FSIP2: variants seen among roughly 807,000 people sequenced by gnomAD.
FSIP2 encodes the protein fibrous sheath-interacting protein 2.
FSIP2 carries 367 observed loss-of-function variants against 510.5 expected under a neutral mutation model. The observed-to-expected ratio is 0.72, with a 90% CI of 0.66 to 0.78. The LOEUF (loss-of-function observed/expected upper bound fraction) is 0.78, where lower values mean the gene tolerates loss of function less well. FSIP2 is among the 30% of genes least tolerant of loss of function. The probability of loss-of-function intolerance (pLI) is 0.00; values close to 1 mark genes in which losing one functional copy is unlikely to be tolerated. For synonymous variants in FSIP2, 2,601 were observed against 2,732.2 expected (o/e 0.95, Z 1.50); for missense variants, 7,594 against 7,901.7 (o/e 0.96, Z 1.48).
intron 13 of FSIP2, among the ~76,000 whole-genome samples, chr2:185,776,248 T>G (rs892132906): frequency 1.3e-5 from 2 of 151,996 alleles, no homozygotes; most frequent in Non-Finnish European, 2.9e-5. Context: ...CCAGCCCAGG[T>G]GACAAAGTGA....
At chr2:185,749,301 A>C (rs1331336614) in intron 7 of FSIP2, among the ~76,000 whole-genome samples, 1 of 151,928 alleles carries the variant, frequency 6.6e-6, no homozygotes, top group African/African-American at 2.4e-5. Flanking sequence ...CGCTCCATTT[A>C]TGTAGGTCTT....
chr2:185,762,469 T>C (rs13033801), intron 11 of FSIP2, among the ~76,000 whole-genome samples: 16,851 of 151,416 alleles, frequency 0.11, 988 homozygotes, highest in Middle Eastern at 0.14. Flanking sequence ...CTCACATACA[T>C]ATCTGACATA....
chr2:185,830,126 C>G (rs1031522574), intron 21 of FSIP2, among the ~76,000 whole-genome samples: 7 of 151,674 alleles, frequency 4.6e-5, no homozygotes, highest in African/African-American at 1.7e-4. Flanking sequence ...AATTACCTAC[C>G]AAAAACAAAC....
At chr2:185,760,312 C>T (rs1002336907) in intron 9 of FSIP2, among the ~76,000 whole-genome samples, 9 of 149,840 alleles carry the variant, frequency 6.0e-5, no homozygotes, top group Middle Eastern at 3.4e-3. Context: ...AATGGTACAA[C>T]GACATTGAAA....
Position 185,801,017 on chromosome 2 carries a change from T to C in FSIP2, c.11711T>C (p.Leu3904Pro). 1 of 1,532,188 alleles carries C rather than the reference T, an allele frequency of 6.5e-7. No homozygotes were observed. The highest frequency in any genetic ancestry group is 8.7e-7 in the Non-Finnish European group (1 of 1,144,370). The allele number at this position is 1,532,188 out of a possible 1,614,324, so 94.9% of individuals were successfully genotyped here. A position where few individuals can be genotyped will look rare whatever the true frequency, so the allele number is the denominator to read the frequency against. ...GGACAGAGTAAAAGTTCTTTAGAAC[T>C]CAGGAGCTATGATAGTAATTCTTTG... ...ELGQSKSSLE[L>P]RSYDSNSLTV... Residue 3904 changes from leucine to proline, a missense_variant, in exon 17 of 23, where the codon CTC becomes CCC. Coordinates refer to ENST00000424728, the MANE Select transcript of FSIP2 (RefSeq NM_173651.4).
chr2:185,819,669 G>A (rs1693880722), intron 19 of FSIP2, among the ~76,000 whole-genome samples: 1 of 151,774 alleles, frequency 6.6e-6, no homozygotes. Context: ...CAGTGTGAAA[G>A]CAATACACAT....
intron 14 of FSIP2, among the ~76,000 whole-genome samples, chr2:185,782,967 A>G (rs975734567): frequency 6.6e-6 from 1 of 152,088 alleles, no homozygotes; most frequent in Admixed American, 6.6e-5. Context: ...CCTTCTCCTT[A>G]TCTATAATCC....
At chr2:185,764,178 T>C (rs1692413103) in intron 12 of FSIP2, among the ~76,000 whole-genome samples, 1 of 151,566 alleles carries the variant, frequency 6.6e-6, no homozygotes, top group South Asian at 2.1e-4. Flanking sequence ...CCATCCATAT[T>C]AAATCTTAGA....
intron 7 of FSIP2, among the ~76,000 whole-genome samples, chr2:185,748,694 T>G (rs1676085435): frequency 6.6e-6 from 1 of 152,074 alleles, no homozygotes; most frequent in African/African-American, 2.4e-5. Flanking sequence ...CTAATGCAAC[T>G]GATCAAATCA....
chr2:185,768,725 C>T (rs931669053), intron 13 of FSIP2, among the ~76,000 whole-genome samples: 2 of 152,152 alleles, frequency 1.3e-5, no homozygotes, highest in Middle Eastern at 6.8e-3. Context: ...TATTTCATCA[C>T]TCTGGTACTA....
chr2:185,744,008 T>C (rs1239417032), intron 3 of FSIP2, among the ~76,000 whole-genome samples: 2 of 152,064 alleles, frequency 1.3e-5, no homozygotes, highest in East Asian at 3.9e-4. Context: ...TAATTTTTTT[T>C]TTTTAGAGAT....
intron 20 of FSIP2, among the ~76,000 whole-genome samples, chr2:185,826,744 T>A (rs997543130): frequency 9.9e-5 from 15 of 151,720 alleles, no homozygotes; most frequent in African/African-American, 3.4e-4. Flanking sequence ...CAGGGATTAA[T>A]GAGATAGGAG....
Position 185,804,598 on chromosome 2 carries a change from A to C in FSIP2, c.15292A>C (p.Ile5098Leu). 5 of 1,533,280 alleles carry C rather than the reference A, an allele frequency of 3.3e-6. No individual in the cohort carries two copies. Among genetic ancestry groups the C allele is most frequent in the Non-Finnish European group, 4.4e-6 (5 of 1,144,880 alleles). 95.0% of individuals were successfully genotyped at this position (1,533,280 alleles called of 1,614,324 possible). A position where few individuals can be genotyped will look rare whatever the true frequency, so the allele number is the denominator to read the frequency against. Residue 5098 changes from isoleucine to leucine, a missense_variant, in exon 17 of 23, where the codon ATA (isoleucine) becomes CTA (leucine). By Grantham distance (5) the Ile-to-Leu change is conservative. Coordinates refer to ENST00000424728, the MANE Select transcript of FSIP2 (RefSeq NM_173651.4). The part of the protein sequence containing the change: ...ADNIIRNVLN[I>L]ITKDSHALPP... ...TAATATCATCAGAAATGTGCTTAAC[A>C]TAATCACAAAGGATAGCCATGCCTT...
chr2:185,743,987 T>G (rs12053506), intron 3 of FSIP2, among the ~76,000 whole-genome samples: 82,445 of 151,444 alleles, frequency 0.54, 22,696 homozygotes, highest in South Asian at 0.64. Flanking sequence ...GGCACATGCC[T>G]CCCAGCTGGT....
intron 13 of FSIP2, among the ~76,000 whole-genome samples, chr2:185,775,352 ATG>A (rs1692695890): frequency 6.7e-6 from 1 of 150,156 alleles, no homozygotes; most frequent in Non-Finnish European, 1.5e-5. Context: ...GCATTTTTTC[ATG>A]TGTTTTTTGG....
chr2:185,825,301 G>A (rs185996528), intron 20 of FSIP2, among the ~76,000 whole-genome samples: 30 of 151,748 alleles, frequency 2.0e-4, no homozygotes, highest in African/African-American at 3.9e-4. Flanking sequence ...AACAGAAACC[G>A]TTTCATACAA....
Position 185,801,422 on chromosome 2 carries a change from A to C in FSIP2, c.12116A>C (p.His4039Pro). 1 of 1,534,110 alleles carries C rather than the reference A, an allele frequency of 6.5e-7. No individual in the cohort carries two copies. Among genetic ancestry groups the C allele is most frequent in the Non-Finnish European group, 8.7e-7 (1 of 1,145,586 alleles). The change falls in exon 17 of 23, where the codon CAT becomes CCT. Residue 4039 changes from histidine (H) to proline (P), a missense_variant. Physicochemically the swap from His to Pro is moderately conservative, Grantham distance 77. Coordinates refer to ENST00000424728, the MANE Select transcript of FSIP2 (RefSeq NM_173651.4). ...GAAAGGCTGTGTTTTCCACCAGTTCATACAGAAACTGTTAGCAAAATTGTT... is the reference window on the plus strand; with the variant it reads ...GAAAGGCTGTGTTTTCCACCAGTTCCTACAGAAACTGTTAGCAAAATTGTT... ...AEERLCFPPVHTETVSKIVDS... is the reference protein window; with the variant it reads ...AEERLCFPPVPTETVSKIVDS...
chr2:185,793,912 A>G lies in FSIP2; in HGVS notation c.6776A>G (p.Lys2259Arg), dbSNP rs1181135697. The G allele has an allele frequency of 4.6e-6, 7 of 1,525,826 alleles. No individual in the cohort carries two copies. The East Asian group carries it at 1.5e-4, about 32-fold the overall frequency. 94.5% of individuals were successfully genotyped at this position (1,525,826 alleles called of 1,614,324 possible). The change falls in exon 16 of 23, where the codon AAA becomes AGA. Residue 2259 changes from lysine (K) to arginine (R), a missense_variant. By Grantham distance (26) the Lys-to-Arg change is conservative (BLOSUM62 2). Coordinates refer to ENST00000424728, the MANE Select transcript of FSIP2 (RefSeq NM_173651.4). ...NANFITKTIF[K>R]RLESFATERI... is the part of the protein sequence containing the mutation. ...AACTTCATTACTAAAACTATTTTTA[A>G]ACGTTTGGAATCTTTTGCCACAGAA...
At chr2:185,821,176 A>G (rs1422114219) in intron 19 of FSIP2, among the ~76,000 whole-genome samples, 1 of 151,932 alleles carries the variant, frequency 6.6e-6, no homozygotes, top group Non-Finnish European at 1.5e-5. Context: ...GAATAATTGT[A>G]TGTCAACAAA....
Sources: gnomAD v4.1 joint callset for allele counts (sites outside exome capture counted in the v4.1 genomes callset) on GRCh38, gnomAD v4.1.1 for gene constraint, MANE v1.5 for transcripts, NCBI Gene and HGNC (gene_info 2026-07-23, HGNC 2026-07-21) for gene names.